The following KIF21A variants were observed in gnomAD, a reference collection of about 807,000 sequenced individuals.
KIF21A encodes the protein kinesin-like protein KIF21A.
KIF21A carries 114 observed loss-of-function variants against 202.9 expected under a neutral mutation model. That is an observed-to-expected ratio of 0.56 (90% CI 0.48 to 0.66). The LOEUF is 0.66. Ranked by LOEUF, KIF21A falls within the 30% of genes least tolerant of loss-of-function variation. The probability of loss-of-function intolerance (pLI) is 0.00; values close to 1 mark genes in which losing one functional copy is unlikely to be tolerated. For missense variants in KIF21A, 1,677 were observed against 1,994.9 expected (o/e 0.84, Z 3.04); for synonymous variants, 667 against 670.8 (o/e 0.99, Z 0.09).
chr12:39,396,455 C>A (rs185013631), intron 1 of KIF21A, among the ~76,000 whole-genome samples: 1 of 152,252 alleles, frequency 6.6e-6, no homozygotes, highest in East Asian at 1.9e-4. Flanking sequence ...ATGAACAATT[C>A]AACAATTGAT....
intron 31 of KIF21A, among the ~76,000 whole-genome samples, chr12:39,313,234 T>C (rs1944202061): frequency 6.6e-6 from 1 of 151,806 alleles, no homozygotes; most frequent in Non-Finnish European, 1.5e-5. Context: ...GGACAAAACA[T>C]GTAGACCTGA....
intron 22 of KIF21A, among the ~76,000 whole-genome samples, chr12:39,331,425 C>T (rs759182885): frequency 3.3e-5 from 5 of 152,012 alleles, no homozygotes; most frequent in Non-Finnish European, 7.4e-5. Context: ...TCTAATTTTT[C>T]CTTTGTTAAA....
chr12:39,295,613 C>T (rs1220887031), intron 37 of KIF21A, among the ~76,000 whole-genome samples: 1 of 151,156 alleles, frequency 6.6e-6, no homozygotes, highest in Non-Finnish European at 1.5e-5. Flanking sequence ...CCCATTCAAG[C>T]ATTGCATTTA....
intron 1 of KIF21A, among the ~76,000 whole-genome samples, chr12:39,386,165 C>A (rs1950933003): frequency 2.0e-5 from 3 of 152,170 alleles, no homozygotes; most frequent in South Asian, 2.1e-4. Flanking sequence ...AGCTTCCTTG[C>A]AGCTAGATGT....
chr12:39,418,841 C>A (rs1157271193), intron 1 of KIF21A, among the ~76,000 whole-genome samples: 1 of 152,130 alleles, frequency 6.6e-6, no homozygotes, highest in Non-Finnish European at 1.5e-5. Flanking sequence ...GCTTAATTGC[C>A]CTTTGTTTCA....
At chr12:39,436,890 T>G (rs1449541760) in intron 1 of KIF21A, among the ~76,000 whole-genome samples, 1 of 152,162 alleles carries the variant, frequency 6.6e-6, no homozygotes, top group Non-Finnish European at 1.5e-5. Flanking sequence ...CAACTTTGTT[T>G]TATTTTGAAT....
chr12:39,297,470 A>C (rs998558753), intron 37 of KIF21A, among the ~76,000 whole-genome samples: 1 of 151,978 alleles, frequency 6.6e-6, no homozygotes, highest in African/African-American at 2.4e-5. Flanking sequence ...CATCATTCTC[A>C]GTAAACTATT....
intron 1 of KIF21A, among the ~76,000 whole-genome samples, chr12:39,426,621 C>T (rs1348047173): frequency 6.6e-6 from 1 of 151,806 alleles, no homozygotes; most frequent in South Asian, 2.1e-4. Flanking sequence ...GCCTGTAATC[C>T]CAGCACTTTG....
At chr12:39,322,522 G>A (rs1945389860) in intron 27 of KIF21A, 146 bp downstream of exon 27, 1 of 626,936 alleles carries the variant, frequency 1.6e-6, no homozygotes, top group African/African-American at 1.8e-5. Context: ...AATACCTTAG[G>A]GGAGACAACA....
At chr12:39,377,853 T>C (rs961503557) in intron 1 of KIF21A, among the ~76,000 whole-genome samples, 4 of 152,190 alleles carry the variant, frequency 2.6e-5, no homozygotes, top group African/African-American at 9.6e-5. Flanking sequence ...TTTAATCCAT[T>C]AATGATGAAC....
rs1166484313 is a variant in KIF21A at position 39,357,277 on chromosome 12, T to C, written c.1376A>G (p.Asp459Gly). Residue 459 changes from aspartate (D) to glycine (G), a missense_variant, in exon 9 of 38, where the codon GAT becomes GGT. Asp to Gly is a moderately conservative substitution (Grantham distance 94). Around this residue, in one of 3 missense-constraint regions of KIF21A, gnomAD observed 966 missense variants for 1,180.9 expected, o/e 0.82. Coordinates refer to ENST00000361418, the MANE Select transcript of KIF21A (RefSeq NM_001173464.2). The part of the protein sequence containing the change: ...LRSRITQLVS[D>G]QANHVLARAG... ...TCTGGCAAGAACATGGTTGGCCTGA[T>C]CACTAACAAGCTGTGTAATTCTGGA... The C allele has an allele frequency of 1.2e-6, 2 of 1,614,180 alleles. No individual in the cohort carries two copies. Among genetic ancestry groups the C allele is most frequent in the Non-Finnish European group, 8.5e-7 (1 of 1,180,014 alleles).
In KIF21A at chr12:39,351,981, C is replaced by A; in HGVS notation, c.1470-1G>T. ...TGCTTCACTTTCTAATAATTTTGCC[C>A]TAGCAAATAAAAATATATTTAAATA... On this transcript the variant is annotated splice_acceptor_variant, in intron 10 of 37. Coordinates refer to ENST00000361418, the MANE Select transcript of KIF21A (RefSeq NM_001173464.2). LOFTEE classifies it high-confidence loss of function. The A allele has an allele frequency of 6.2e-7, 1 of 1,610,246 alleles. No individual in the cohort carries two copies. Among genetic ancestry groups the A allele is most frequent in the Non-Finnish European group, 8.5e-7 (1 of 1,177,028 alleles).
At chr12:39,440,785 G>C (rs1415101609) in intron 1 of KIF21A, among the ~76,000 whole-genome samples, 4 of 152,158 alleles carry the variant, frequency 2.6e-5, no homozygotes, top group African/African-American at 9.7e-5. Context: ...CAGCAATTTG[G>C]GAGGGACGGC....
chr12:39,354,096 T>C (rs764994736), intron 10 of KIF21A, among the ~76,000 whole-genome samples: 7 of 152,098 alleles, frequency 4.6e-5, no homozygotes, highest in African/African-American at 1.7e-4. Flanking sequence ...TTCCCTAGGA[T>C]TGTTTTGAGA....
chr12:39,440,390 A>G (rs1250358815), intron 1 of KIF21A, among the ~76,000 whole-genome samples: 4 of 152,190 alleles, frequency 2.6e-5, no homozygotes, highest in Non-Finnish European at 5.9e-5. Flanking sequence ...TGGATGGTTT[A>G]CTTAATCTTT....
intron 1 of KIF21A, among the ~76,000 whole-genome samples, chr12:39,426,401 T>C (rs556070764): frequency 1.3e-5 from 2 of 152,174 alleles, no homozygotes; most frequent in East Asian, 1.9e-4. Context: ...ATTTAACATA[T>C]GTGATGAAAA....
At chr12:39,398,196 A>G (rs1048956517) in intron 1 of KIF21A, among the ~76,000 whole-genome samples, 3 of 152,344 alleles carry the variant, frequency 2.0e-5, no homozygotes, top group Admixed American at 6.5e-5. Context: ...TTTAAAAACC[A>G]TCATAGGGAG....
At chr12:39,409,922 T>A (rs749688626) in intron 1 of KIF21A, among the ~76,000 whole-genome samples, 10 of 151,842 alleles carry the variant, frequency 6.6e-5, no homozygotes, top group Non-Finnish European at 8.8e-5. Flanking sequence ...ACCTTCGCCT[T>A]CCAGGTTCAA....
chr12:39,409,992 C>T (rs951988008), intron 1 of KIF21A, among the ~76,000 whole-genome samples: 4 of 152,016 alleles, frequency 2.6e-5, no homozygotes, highest in African/African-American at 7.2e-5. Context: ...CCATCATGCC[C>T]GGCTAATTTT....
Sources: gnomAD v4.1 joint callset for allele counts (sites outside exome capture counted in the v4.1 genomes callset) on GRCh38, gnomAD v4.1.1 for gene constraint, gnomAD v4.1.1 regional missense constraint, MANE v1.5 for transcripts, NCBI Gene and HGNC (gene_info 2026-07-23, HGNC 2026-07-21) for gene names.